HIP1: variants seen among roughly 807,000 people sequenced by gnomAD.
HIP1 encodes huntingtin interacting protein 1.
A neutral mutation model predicts 147.6 loss-of-function variants in HIP1; 65 were observed. That is an observed-to-expected ratio of 0.44 (90% CI 0.36 to 0.54). HIP1 has a LOEUF of 0.54. Ranked by LOEUF, HIP1 falls within the 20% of genes least tolerant of loss-of-function variation. The pLI is 0.00. For missense variants in HIP1, 1,061 were observed against 1,299.6 expected, an observed-to-expected ratio of 0.82 and a Z score of 2.82; for synonymous variants, 479 against 504.0, an observed-to-expected ratio of 0.95 and a Z score of 0.67.
intron 1 of HIP1, among the ~76,000 whole-genome samples, chr7:75,729,584 G>A (rs929319143): frequency 6.6e-6 from 1 of 152,012 alleles, no homozygotes; most frequent in Non-Finnish European, 1.5e-5. Context: ...TCAGGAGTTC[G>A]AGACCAGCCT....
At chr7:75,615,438 G>A (rs1797620769) in intron 1 of HIP1, among the ~76,000 whole-genome samples, 3 of 152,120 alleles carry the variant, frequency 2.0e-5, no homozygotes, top group Non-Finnish European at 2.9e-5. Flanking sequence ...TGTAGTGGTG[G>A]CTACTTGGGA....
chr7:75,706,476 T>TTTA (rs1198482932), intron 1 of HIP1, among the ~76,000 whole-genome samples: 5 of 148,274 alleles, frequency 3.4e-5, no homozygotes, highest in African/African-American at 7.4e-5. Flanking sequence ...ATATCTTCTT[T>TTTA]TTTTTTATTT....
chr7:75,639,280 AG>A (rs1199587535), intron 1 of HIP1: 38 of 7,450 alleles, frequency 5.1e-3, no homozygotes, highest in South Asian at 0.016. Context: ...GGGGAGGGGG[AG>A]GGGGGCGGGC....
At position 75,559,657 on chromosome 7, in the gene HIP1, G is replaced by A. The variant is rs587663729; in HGVS notation, c.1375+75C>T. The A allele has an allele frequency of 2.5e-4, 301 of 1,205,204 alleles. 1 individual carries two copies. The African/African-American group carries it at 4.0e-3, about 16-fold the overall frequency. The allele number at this position is 1,205,204 out of a possible 1,614,324, so 74.7% of individuals were successfully genotyped here. On this transcript the variant is annotated intron_variant, in intron 14 of 30. Coordinates refer to ENST00000336926, the MANE Select transcript of HIP1 (RefSeq NM_005338.7). Reference sequence around the variant, plus strand: ...GTCTCCCCCACCCAGCCTCTGTGCCGCATCCTGAGTCCAGCTGGGCTCTGC... The same window carrying A: ...GTCTCCCCCACCCAGCCTCTGTGCCACATCCTGAGTCCAGCTGGGCTCTGC...
chr7:75,604,466 G>C (rs782072484), intron 1 of HIP1, among the ~76,000 whole-genome samples: 2 of 152,024 alleles, frequency 1.3e-5, no homozygotes, highest in Non-Finnish European at 2.9e-5. Flanking sequence ...TTCAGGACAG[G>C]AGTTCAAGAC....
chr7:75,668,588 G>A (rs62475512), intron 1 of HIP1, among the ~76,000 whole-genome samples: 19,723 of 151,942 alleles, frequency 0.13, 1,359 homozygotes, highest in East Asian at 0.17. Flanking sequence ...GCCTCCCAAA[G>A]TGCTGGGATT....
chr7:75,590,075 A>G (rs1023370019), intron 4 of HIP1, among the ~76,000 whole-genome samples: 3 of 152,180 alleles, frequency 2.0e-5, no homozygotes, highest in Admixed American at 2.0e-4. Flanking sequence ...GTCAGCCACC[A>G]GTAGGCTCTC....
intron 1 of HIP1, among the ~76,000 whole-genome samples, chr7:75,678,324 G>T (rs1238103748): frequency 6.8e-6 from 1 of 147,520 alleles, no homozygotes; most frequent in Non-Finnish European, 1.5e-5. Flanking sequence ...TGAAGGAGCA[G>T]TCTTATTCCT....
At chr7:75,726,765 C>T (rs1215954361) in intron 1 of HIP1, among the ~76,000 whole-genome samples, 2 of 143,436 alleles carry the variant, frequency 1.4e-5, no homozygotes, top group Non-Finnish European at 3.0e-5. Context: ...GTGCAGTGTA[C>T]GATCTCCATC....
chr7:75,581,582 C>T (rs1796049830), intron 6 of HIP1, among the ~76,000 whole-genome samples: 2 of 152,082 alleles, frequency 1.3e-5, no homozygotes, highest in Admixed American at 1.3e-4. Context: ...AGTTCAAGAC[C>T]AGCCTGGCCA....
chr7:75,718,549 A>T (rs1801391877), intron 1 of HIP1, among the ~76,000 whole-genome samples: 1 of 152,214 alleles, frequency 6.6e-6, no homozygotes. Context: ...AATCAAGATC[A>T]GCAACTGATA....
intron 1 of HIP1, among the ~76,000 whole-genome samples, chr7:75,702,799 C>A (rs1279971308): frequency 1.3e-5 from 2 of 151,996 alleles, no homozygotes; most frequent in African/African-American, 4.8e-5. Context: ...GCAAACAGAG[C>A]GAGGGAAGGT....
intron 2 of HIP1, 43 bp downstream of exon 2, chr7:75,599,141 C>T (rs1355456901): frequency 6.7e-6 from 10 of 1,486,950 alleles, no homozygotes; most frequent in Non-Finnish European, 8.5e-6. Context: ...CATGAGCTGA[C>T]CTCCCTCAGG....
At chr7:75,639,394 C>T (rs1354568128) in intron 1 of HIP1, among the ~76,000 whole-genome samples, 1 of 148,058 alleles carries the variant, frequency 6.8e-6, no homozygotes, top group Non-Finnish European at 1.5e-5. Flanking sequence ...AATCAGCTGG[C>T]GGGGGCGCGA....
chr7:75,614,930 G>A (rs1357428550), intron 1 of HIP1, among the ~76,000 whole-genome samples: 6 of 151,764 alleles, frequency 4.0e-5, no homozygotes, highest in African/African-American at 1.5e-4. Context: ...CCACCACCCC[G>A]CCTGGCTAAT....
At chr7:75,631,401 G>T (rs1016202504) in intron 1 of HIP1, among the ~76,000 whole-genome samples, 2 of 152,242 alleles carry the variant, frequency 1.3e-5, no homozygotes, top group Admixed American at 1.3e-4. Context: ...TCGGCAAGTG[G>T]TAGCAACGGG....
intron 1 of HIP1, among the ~76,000 whole-genome samples, chr7:75,608,943 C>T (rs184072587): frequency 1.3e-5 from 2 of 152,298 alleles, no homozygotes; most frequent in African/African-American, 4.8e-5. Flanking sequence ...AGGAACATGA[C>T]ACAAATGACC....
intron 1 of HIP1, among the ~76,000 whole-genome samples, chr7:75,605,953 A>T (rs1169033549): frequency 1.3e-5 from 2 of 152,126 alleles, no homozygotes; most frequent in African/African-American, 4.8e-5. Context: ...GGGTTCAGGC[A>T]ATCCTCCCAC....
intron 1 of HIP1, among the ~76,000 whole-genome samples, chr7:75,602,220 C>G (rs141873563): frequency 4.0e-5 from 6 of 149,808 alleles, no homozygotes; most frequent in African/African-American, 9.8e-5. Flanking sequence ...ATCCTGGTCT[C>G]GAACTCCTGA....
Sources: gnomAD v4.1 joint callset for allele counts (sites outside exome capture counted in the v4.1 genomes callset) on GRCh38, gnomAD v4.1.1 for gene constraint, MANE v1.5 for transcripts, NCBI Gene and HGNC (gene_info 2026-07-23, HGNC 2026-07-21) for gene names.